The following ADGRB3 variants were observed in gnomAD, a reference collection of about 807,000 sequenced individuals.
ADGRB3 encodes the protein adhesion G protein-coupled receptor B3, also known as brain-specific angiogenesis inhibitor 3.
ADGRB3 carries 37 observed loss-of-function variants against 193.4 expected under a neutral mutation model. The ratio of observed to expected loss-of-function variants is 0.19; its 90% CI spans 0.15 to 0.25. The LOEUF (loss-of-function observed/expected upper bound fraction) is 0.25, where lower values mean the gene tolerates loss of function less well. ADGRB3 is among the 10% of genes least tolerant of loss of function. The pLI, the probability that ADGRB3 is intolerant of heterozygous loss-of-function variation, is 1.00. For synonymous variants in ADGRB3, 690 were observed against 644.2 expected (o/e 1.07, Z -1.08); for missense variants, 1,637 against 1,852.9 (o/e 0.88, Z 2.14).
intron 11 of ADGRB3, among the ~76,000 whole-genome samples, chr6:69,000,660 A>G (rs1769548140): frequency 6.6e-6 from 1 of 152,198 alleles, no homozygotes; most frequent in Non-Finnish European, 1.5e-5. Context: ...GTTATAATAT[A>G]AGGGTTAAAA....
chr6:69,049,208 A>T (rs923393521), intron 14 of ADGRB3, 63 bp from the exon 15 acceptor site: 2 of 1,224,158 alleles, frequency 1.6e-6, no homozygotes, highest in African/African-American at 3.1e-5. Flanking sequence ...TAGCAGATTA[A>T]AGTTTTATAA....
chr6:69,112,164 C>T (rs1409310205), intron 17 of ADGRB3, among the ~76,000 whole-genome samples: 4 of 152,124 alleles, frequency 2.6e-5, no homozygotes, highest in Non-Finnish European at 1.5e-5. Flanking sequence ...AGCGCTGGTC[C>T]TTGTGGTTAC....
chr6:69,075,481 T>C (rs1413668630), intron 16 of ADGRB3, among the ~76,000 whole-genome samples: 3 of 152,184 alleles, frequency 2.0e-5, no homozygotes, highest in Admixed American at 1.3e-4. Flanking sequence ...AACCATGATA[T>C]GCTAATTAAG....
intron 17 of ADGRB3, among the ~76,000 whole-genome samples, chr6:69,087,659 G>A (rs1772589088): frequency 6.6e-6 from 1 of 152,020 alleles, no homozygotes; most frequent in South Asian, 2.1e-4. Context: ...AAGATACTTT[G>A]TTATAGCAGC....
intron 10 of ADGRB3, among the ~76,000 whole-genome samples, chr6:68,980,689 G>A (rs1273863450): frequency 2.0e-5 from 3 of 151,466 alleles, no homozygotes; most frequent in Non-Finnish European, 3.0e-5. Flanking sequence ...AACAAATGCC[G>A]AGGTTCAGCT....
chr6:69,293,385 G>A (rs901173587), intron 20 of ADGRB3, among the ~76,000 whole-genome samples: 5 of 152,012 alleles, frequency 3.3e-5, no homozygotes, highest in South Asian at 2.1e-4. Context: ...ACCTCTGTCT[G>A]GGAACTAAAA....
intron 13 of ADGRB3, among the ~76,000 whole-genome samples, chr6:69,043,127 C>A (rs1158189381): frequency 6.6e-6 from 1 of 151,774 alleles, no homozygotes; most frequent in Non-Finnish European, 1.5e-5. Flanking sequence ...TCTATTGAGG[C>A]AAGATATTTT....
chr6:69,369,476 T>A lies in ADGRB3; in HGVS notation c.4240-2930T>A, dbSNP rs556003293. Among the ~76,000 whole-genome samples the A allele has an allele frequency of 5.3e-5, 8 of 152,122 alleles. No homozygotes were observed. In the East Asian group the frequency reaches 1.6e-3, roughly 30 times the overall value. ...ACTTTGAGAGGCTGAAGCAGGTGGA[T>A]CGCTTGAGCCCAGGAGTTCAAGATC... On this transcript the variant is annotated intron_variant, in intron 29 of 31. Coordinates refer to ENST00000370598, the MANE Select transcript of ADGRB3 (RefSeq NM_001704.3).
chr6:68,846,798 T>A (rs1262468617), intron 3 of ADGRB3, among the ~76,000 whole-genome samples: 1 of 151,916 alleles, frequency 6.6e-6, no homozygotes, highest in Non-Finnish European at 1.5e-5. Context: ...AAATGTAGGG[T>A]CAGAGCCCTC....
chr6:69,227,725 T>C (rs532239780), intron 17 of ADGRB3, among the ~76,000 whole-genome samples: 3 of 152,324 alleles, frequency 2.0e-5, no homozygotes, highest in African/African-American at 7.2e-5. Context: ...GACTGGTTAG[T>C]AAAGATTCAA....
chr6:69,017,034 T>A (rs574164128), intron 12 of ADGRB3, among the ~76,000 whole-genome samples: 1 of 152,050 alleles, frequency 6.6e-6, no homozygotes, highest in African/African-American at 2.4e-5. Flanking sequence ...TCGAAATTCA[T>A]GTTTAATGAC....
rs747327982 is a variant in ADGRB3 at position 69,327,821 on chromosome 6, T to C, written c.2967T>C (p.Gly989=). Residue 989 remains glycine, a splice_region_variant and synonymous_variant, in exon 22 of 32, where the codon GGT becomes GGC. Coordinates refer to ENST00000370598, the MANE Select transcript of ADGRB3 (RefSeq NM_001704.3). ...IRKRFLCLGW[G]LPALVVATSV... is the part of the protein sequence containing the mutation. Reference sequence around the variant, plus strand: ...TGCGTGACATTGCTTTTCTTGCAGGTTTACCAGCATTAGTAGTGGCCACAT... The same window carrying C: ...TGCGTGACATTGCTTTTCTTGCAGGCTTACCAGCATTAGTAGTGGCCACAT... 6.2e-7 allele frequency: 1 copy of C among 1,607,094 alleles called. No homozygotes were observed. The highest frequency in any genetic ancestry group is 1.7e-5 in the Admixed American group (1 of 59,922).
intron 3 of ADGRB3, among the ~76,000 whole-genome samples, chr6:68,816,945 T>A (rs901499077): frequency 1.3e-5 from 2 of 152,012 alleles, no homozygotes; most frequent in Non-Finnish European, 2.9e-5. Context: ...TTGGGAAATA[T>A]GTAGAGAAAA....
rs1242247905 is a variant in ADGRB3 at position 69,157,079 on chromosome 6, C to T, written c.2481-76211C>T. Among the ~76,000 whole-genome samples, 7 of 152,296 alleles carry T rather than the reference C, an allele frequency of 4.6e-5. No homozygotes were observed. The East Asian group carries it at 7.7e-4, about 17-fold the overall frequency. ...AACACCCTGATTTTCATACCATTCA[C>T]GCCTTACTGGCTGTGCAACTGTGTG... On this transcript the variant is annotated intron_variant, in intron 17 of 31. Transcript: ENST00000370598.
intron 16 of ADGRB3, among the ~76,000 whole-genome samples, chr6:69,067,236 G>A (rs529896043): frequency 1.4e-4 from 21 of 152,130 alleles, no homozygotes; most frequent in African/African-American, 4.8e-4. Context: ...AGATAAATGC[G>A]TTATGTTTGT....
intron 20 of ADGRB3, among the ~76,000 whole-genome samples, chr6:69,250,785 T>G (rs758786831): frequency 2.6e-5 from 4 of 152,218 alleles, no homozygotes; most frequent in South Asian, 2.1e-4. Flanking sequence ...TACTTAACCA[T>G]TCTTCACTCA....
At chr6:69,045,392 A>G (rs1771206359) in intron 13 of ADGRB3, among the ~76,000 whole-genome samples, 1 of 152,162 alleles carries the variant, frequency 6.6e-6, no homozygotes, top group South Asian at 2.1e-4. Flanking sequence ...GTATATTGAT[A>G]ATTTCACAGA....
intron 17 of ADGRB3, among the ~76,000 whole-genome samples, chr6:69,143,938 A>G (rs1379454435): frequency 6.6e-6 from 1 of 152,192 alleles, no homozygotes; most frequent in Non-Finnish European, 1.5e-5. Context: ...GTATTTTAAA[A>G]TGGATTGCAC....
At chr6:68,970,428 T>G (rs1291214999) in intron 8 of ADGRB3, among the ~76,000 whole-genome samples, 1 of 152,006 alleles carries the variant, frequency 6.6e-6, no homozygotes, top group Non-Finnish European at 1.5e-5. Flanking sequence ...ATCTTCCTCC[T>G]TCTGCTTCAG....
Sources: gnomAD v4.1 joint callset for allele counts (sites outside exome capture counted in the v4.1 genomes callset) on GRCh38, gnomAD v4.1.1 for gene constraint, MANE v1.5 for transcripts, NCBI Gene and HGNC (gene_info 2026-07-23, HGNC 2026-07-21) for gene names.